The following ZDHHC2 variants were observed in gnomAD, a reference collection of about 807,000 sequenced individuals.
ZDHHC2 encodes palmitoyltransferase ZDHHC2.
ZDHHC2 carries 51 observed loss-of-function variants against 55.6 expected under a neutral mutation model. That is an observed-to-expected ratio of 0.92 (90% CI 0.73 to 1.16). The LOEUF is 1.16. Ranked by LOEUF, ZDHHC2 falls within the 50% of genes most tolerant of loss-of-function variation. The probability of loss-of-function intolerance (pLI) is 0.00; values close to 1 mark genes in which losing one functional copy is unlikely to be tolerated. For synonymous variants in ZDHHC2, 199 were observed against 152.9 expected (o/e 1.30, Z -2.22); for missense variants, 491 against 442.4 (o/e 1.11, Z -0.99).
chr8:17,169,773 A>T (rs2150886865), intron 1 of ZDHHC2, among the ~76,000 whole-genome samples: 1 of 152,326 alleles, frequency 6.6e-6, no homozygotes, highest in East Asian at 1.9e-4. Flanking sequence ...TACAGGCGGG[A>T]AACCTGAGAT....
In ZDHHC2 at chr8:17,217,255, A is replaced by C; in HGVS notation, c.*34+9A>C. 1 of 1,565,580 alleles carries C rather than the reference A, an allele frequency of 6.4e-7. No homozygotes were observed. The highest frequency in any genetic ancestry group is 2.3e-5 in the East Asian group (1 of 44,194). ...ATTCATACTTTATAAAAGTACGATA[A>C]TTTTCCCTTTATTGTTTTATATTTT... On this transcript the variant is annotated intron_variant, in intron 12 of 12. Transcript: ENST00000262096.
At chr8:17,190,477 C>T (rs1032637799) in intron 3 of ZDHHC2, among the ~76,000 whole-genome samples, 5 of 152,034 alleles carry the variant, frequency 3.3e-5, no homozygotes, top group Non-Finnish European at 7.4e-5. Context: ...CTGTTAGAGA[C>T]CTCTCGCTTG....
At chr8:17,159,307 C>T (rs1288735626) in intron 1 of ZDHHC2, among the ~76,000 whole-genome samples, 1 of 152,168 alleles carries the variant, frequency 6.6e-6, no homozygotes, top group Non-Finnish European at 1.5e-5. Context: ...TTCCAAATTT[C>T]TTCCATAAAA....
At chr8:17,176,014 G>A (rs963884183) in intron 1 of ZDHHC2, among the ~76,000 whole-genome samples, 7 of 152,214 alleles carry the variant, frequency 4.6e-5, no homozygotes, top group African/African-American at 1.7e-4. Context: ...AGGACAGAGA[G>A]GAAGAGCCAG....
intron 1 of ZDHHC2, among the ~76,000 whole-genome samples, chr8:17,159,622 C>G (rs1291149900): frequency 6.6e-6 from 1 of 152,036 alleles, no homozygotes. Flanking sequence ...ATAATTTTTG[C>G]TTAGTGTTTG....
At chr8:17,164,395 G>A (rs1191544848) in intron 1 of ZDHHC2, among the ~76,000 whole-genome samples, 1 of 152,114 alleles carries the variant, frequency 6.6e-6, no homozygotes, top group African/African-American at 2.4e-5. Context: ...ATGCAAATGA[G>A]TAAGTGCGTT....
At chr8:17,199,208 C>T (rs575577639) in intron 6 of ZDHHC2, among the ~76,000 whole-genome samples, 1 of 152,248 alleles carries the variant, frequency 6.6e-6, no homozygotes, top group South Asian at 2.1e-4. Context: ...GAAAGATTCC[C>T]AGGGGAATGT....
intron 1 of ZDHHC2, among the ~76,000 whole-genome samples, chr8:17,180,590 C>A (rs987241412): frequency 6.6e-6 from 1 of 152,140 alleles, no homozygotes; most frequent in African/African-American, 2.4e-5. Context: ...ATTGTACATT[C>A]ATGGGGCTTA....
Position 17,208,027 on chromosome 8 carries a change from C to T in ZDHHC2, c.665C>T (p.Ser222Phe). 1 of 1,594,976 alleles carries T rather than the reference C, an allele frequency of 6.3e-7. No individual in the cohort carries two copies. Among genetic ancestry groups the T allele is most frequent in the South Asian group, 1.1e-5 (1 of 88,172 alleles). The change falls in exon 8 of 13, where the codon TCT becomes TTT. Residue 222 changes from serine to phenylalanine, a missense_variant. Physicochemically the swap from Ser to Phe is radical, Grantham distance 155. Transcript: ENST00000262096. ...MFLFFAAAMF[S>F]VSLSSLFGYH... is the part of the protein sequence containing the mutation. Reference sequence around the variant, plus strand: ...TTATTCTTTGCTGCAGCTATGTTTTCTGTCAGCTTGTCTTCTCTGTTTGGC... The same window carrying T: ...TTATTCTTTGCTGCAGCTATGTTTTTTGTCAGCTTGTCTTCTCTGTTTGGC...
At chr8:17,181,481 G>A (rs184098104) in intron 1 of ZDHHC2, among the ~76,000 whole-genome samples, 16 of 152,302 alleles carry the variant, frequency 1.1e-4, no homozygotes, top group Non-Finnish European at 1.9e-4. Flanking sequence ...TCAGTTTTCT[G>A]TTGACAAAAA....
At chr8:17,202,742 C>T (rs932020119) in intron 6 of ZDHHC2, among the ~76,000 whole-genome samples, 21 of 128,410 alleles carry the variant, frequency 1.6e-4, no homozygotes, top group African/African-American at 4.0e-4. Flanking sequence ...TATACACACA[C>T]ACACACACAC....
At chr8:17,199,614 T>TCTTCCTTTCTTCTTCCTTC (rs1585713129) in intron 6 of ZDHHC2, among the ~76,000 whole-genome samples, 1 of 54,122 alleles carries the variant, frequency 1.8e-5, no homozygotes, top group East Asian at 2.9e-4. Context: ...TCTTTCTTCT[T>TCTTCCTTTCTTCTTCCTTC]CTTCTTCTTC....
chr8:17,177,861 A>T (rs1416771641), intron 1 of ZDHHC2, among the ~76,000 whole-genome samples: 1 of 152,058 alleles, frequency 6.6e-6, no homozygotes, highest in African/African-American at 2.4e-5. Context: ...TTTATATTGA[A>T]AAGTTAGTGT....
chr8:17,186,471 A>T, intron 3 of ZDHHC2, 46 bp downstream of exon 3: 1 of 1,148,410 alleles, frequency 8.7e-7, no homozygotes, highest in South Asian at 1.7e-5. Flanking sequence ...AGAAATCAAT[A>T]ATACTGATGT....
chr8:17,183,548 T>C (rs1214138493), intron 1 of ZDHHC2, among the ~76,000 whole-genome samples: 1 of 151,962 alleles, frequency 6.6e-6, no homozygotes, highest in African/African-American at 2.4e-5. Flanking sequence ...TTAAAAGGAG[T>C]GGAGAACCTA....
At chr8:17,180,034 G>A (rs1157955745) in intron 1 of ZDHHC2, among the ~76,000 whole-genome samples, 1 of 152,276 alleles carries the variant, frequency 6.6e-6, no homozygotes. Context: ...GTATTTAGAT[G>A]GTATGAATGG....
intron 11 of ZDHHC2, 84 bp from the exon 12 acceptor site, chr8:17,217,088 A>G: frequency 7.3e-7 from 1 of 1,368,224 alleles, no homozygotes; most frequent in South Asian, 1.2e-5. Flanking sequence ...CTACCAAGGG[A>G]TTCCTTATTC....
intron 1 of ZDHHC2, 113 bp downstream of exon 1, chr8:17,156,966 C>T (rs1431127655): frequency 2.9e-6 from 3 of 1,023,860 alleles, no homozygotes; most frequent in Non-Finnish European, 3.9e-6. Flanking sequence ...CGGGCGCTGC[C>T]AACCTGCCGC....
chr8:17,218,395 AT>A (rs1318848021), intron 12 of ZDHHC2, among the ~76,000 whole-genome samples: 1 of 152,130 alleles, frequency 6.6e-6, no homozygotes, highest in African/African-American at 2.4e-5. Context: ...ATTTCACAGG[AT>A]TTTTTTCAAT....
Sources: allele counts gnomAD v4.1 joint callset (sites outside exome capture counted in the v4.1 genomes callset), GRCh38; gene constraint gnomAD v4.1.1; transcripts MANE v1.5; gene names NCBI Gene and HGNC (gene_info 2026-07-23, HGNC 2026-07-21).